Variants in PLEKHH2 observed in about 807,000 individuals in gnomAD.
PLEKHH2 encodes pleckstrin homology, MyTH4 and FERM domain containing H2.
In PLEKHH2, 129 loss-of-function variants were observed where a neutral mutation model predicts 187.9. That is an observed-to-expected ratio of 0.69 (90% CI 0.59 to 0.79). The LOEUF (loss-of-function observed/expected upper bound fraction) is 0.79, where lower values mean the gene tolerates loss of function less well. Ranked by LOEUF, PLEKHH2 falls within the 30% of genes least tolerant of loss-of-function variation. The probability of loss-of-function intolerance (pLI) is 0.00; values close to 1 mark genes in which losing one functional copy is unlikely to be tolerated. For missense variants in PLEKHH2, 2,076 were observed against 1,751.2 expected, an observed-to-expected ratio of 1.19 and a Z score of -3.31; for synonymous variants, 686 against 605.6, an observed-to-expected ratio of 1.13 and a Z score of -1.95.
chr2:43,678,304 G>C (rs1007641754), intron 2 of PLEKHH2, among the ~76,000 whole-genome samples: 4 of 152,106 alleles, frequency 2.6e-5, no homozygotes, highest in African/African-American at 9.7e-5. Flanking sequence ...TTCCCAGACG[G>C]GGTGGCGGCC....
intron 8 of PLEKHH2, among the ~76,000 whole-genome samples, chr2:43,702,526 A>AATTTTTTT (rs1669424808): frequency 3.3e-5 from 1 of 30,440 alleles, no homozygotes. Flanking sequence ...CCATTCTACT[A>AATTTTTTT]CTTTTTTTTT....
At chr2:43,680,402 A>G (rs189819416) in intron 3 of PLEKHH2, 1 of 155,538 alleles carries the variant, frequency 6.4e-6, no homozygotes, top group East Asian at 1.9e-4. Context: ...AAATATGTAC[A>G]ATTATTATGT....
chr2:43,681,145 C>T (rs1572543977), intron 3 of PLEKHH2: 2 of 739,728 alleles, frequency 2.7e-6, no homozygotes, highest in Admixed American at 2.3e-5. Context: ...CCTCCTGCAA[C>T]ACTCTAATGC....
At chr2:43,676,850 G>C (rs1667826099) in intron 2 of PLEKHH2, among the ~76,000 whole-genome samples, 2 of 152,166 alleles carry the variant, frequency 1.3e-5, no homozygotes, top group Admixed American at 1.3e-4. Flanking sequence ...ACTACCCAGA[G>C]TTTATTTAAA....
chr2:43,721,562 G>C (rs1022877739), intron 16 of PLEKHH2, among the ~76,000 whole-genome samples: 3 of 152,150 alleles, frequency 2.0e-5, no homozygotes, highest in Non-Finnish European at 4.4e-5. Context: ...TGCTAATGGG[G>C]TAGAGATTAA....
At chr2:43,655,423 T>C (rs966779436) in intron 2 of PLEKHH2, among the ~76,000 whole-genome samples, 1 of 152,176 alleles carries the variant, frequency 6.6e-6, no homozygotes, top group Non-Finnish European at 1.5e-5. Flanking sequence ...CTGGGATTGA[T>C]TTTTCTTTAG....
At chr2:43,712,502 G>C in intron 15 of PLEKHH2, 119 bp downstream of exon 15, 1 of 1,205,808 alleles carries the variant, frequency 8.3e-7, no homozygotes, top group South Asian at 1.7e-5. Flanking sequence ...CTTGGGGATA[G>C]GAAAGGGTGT....
At chr2:43,645,158 G>A (rs1028463174) in intron 2 of PLEKHH2, among the ~76,000 whole-genome samples, 10 of 152,074 alleles carry the variant, frequency 6.6e-5, no homozygotes, top group Non-Finnish European at 1.0e-4. Context: ...TCTATTGATA[G>A]TAAAATGTGT....
Position 43,644,758 on chromosome 2 carries a change from G to C in PLEKHH2, c.85G>C (p.Val29Leu), listed in dbSNP as rs112429197. The stretch of plus-strand genomic sequence containing the variant: ...GGAGTCCCAACTCATGAAATTTAGA[G>C]TTCAAGCAAGCAAGATACGAGAGCT... The part of the protein sequence containing the change: ...ALESQLMKFR[V>L]QASKIRELLA... Residue 29 changes from valine (V) to leucine (L), a missense_variant, in exon 2 of 30, where the codon GTT (valine) becomes CTT (leucine). Physicochemically the swap from Val to Leu is conservative, Grantham distance 32. Transcript: ENST00000282406. The C allele has an allele frequency of 2.0e-5, 32 of 1,609,792 alleles. No homozygotes were observed. The highest frequency in any genetic ancestry group is 1.0e-5 in the Non-Finnish European group (12 of 1,177,258).
intron 29 of PLEKHH2, among the ~76,000 whole-genome samples, chr2:43,765,147 C>A (rs1003149836): frequency 6.6e-6 from 1 of 152,212 alleles, no homozygotes; most frequent in Non-Finnish European, 1.5e-5. Context: ...TAGAGTTCTA[C>A]TACTGACTGT....
In PLEKHH2 at chr2:43,751,391, G is replaced by T. The variant is rs188532334; in HGVS notation, c.3654-2228G>T. Among the ~76,000 whole-genome samples, 376 of 152,262 alleles carry T rather than the reference G, an allele frequency of 2.5e-3. 2 individuals are homozygous for T. The highest frequency in any genetic ancestry group is 8.8e-3 in the African/African-American group (365 of 41,540). On this transcript the variant is annotated intron_variant, in intron 24 of 29. Coordinates refer to ENST00000282406, the MANE Select transcript of PLEKHH2 (RefSeq NM_172069.4). Reference sequence around the variant, plus strand: ...GAAGGGTGAACAGAGAGAGATTGCAGGCTTTCCCCCCAGTAAGTTTACAAG... The same window carrying T: ...GAAGGGTGAACAGAGAGAGATTGCATGCTTTCCCCCCAGTAAGTTTACAAG...
chr2:43,737,252 A>G (rs921095209), intron 19 of PLEKHH2, among the ~76,000 whole-genome samples: 2 of 152,248 alleles, frequency 1.3e-5, no homozygotes, highest in African/African-American at 4.8e-5. Context: ...GCCCAAGAGT[A>G]TAACATTCAC....
At chr2:43,744,129 A>C (rs1278348294) in intron 23 of PLEKHH2, 140 bp downstream of exon 23, 1 of 1,415,744 alleles carries the variant, frequency 7.1e-7, no homozygotes, top group Non-Finnish European at 9.2e-7. Flanking sequence ...GATAAGAAAA[A>C]AAAAATGCAG....
At chr2:43,669,542 G>A (rs1667398028) in intron 2 of PLEKHH2, among the ~76,000 whole-genome samples, 1 of 152,060 alleles carries the variant, frequency 6.6e-6, no homozygotes, top group Non-Finnish European at 1.5e-5. Context: ...GACACGAATA[G>A]CATGAATCAT....
intron 9 of PLEKHH2, among the ~76,000 whole-genome samples, chr2:43,704,278 G>A (rs113960793): frequency 6.6e-6 from 1 of 152,124 alleles, no homozygotes; most frequent in Non-Finnish European, 1.5e-5. Flanking sequence ...ACTGGGTATA[G>A]CATTTCAGAT....
Position 43,697,312 on chromosome 2 carries a change from T to C in PLEKHH2, c.644T>C (p.Ile215Thr). ...GTAAAATCTGAGGAAATGAGCAAGA[T>C]ATCATCGAAAGAACCTGAGTTCACT... ...QVVKSEEMSK[I>T]SSKEPEFTEG... The change falls in exon 7 of 30, where the codon ATA becomes ACA. Residue 215 changes from isoleucine to threonine, a missense_variant. Ile to Thr is a moderately conservative substitution (Grantham distance 89, BLOSUM62 -1). Coordinates refer to ENST00000282406, the MANE Select transcript of PLEKHH2 (RefSeq NM_172069.4). 1.9e-6 allele frequency: 3 copies of C among 1,613,668 alleles called. No individual in the cohort carries two copies. The South Asian group carries it at 3.3e-5, about 18-fold the overall frequency.
intron 25 of PLEKHH2, among the ~76,000 whole-genome samples, chr2:43,754,517 C>T (rs1164742799): frequency 6.6e-6 from 1 of 152,214 alleles, no homozygotes; most frequent in African/African-American, 2.4e-5. Flanking sequence ...ATGGCCTTGC[C>T]TACTACCTAC....
chr2:43,680,336 T>C (rs1248283964), intron 3 of PLEKHH2: 2 of 151,424 alleles, frequency 1.3e-5, no homozygotes, highest in Non-Finnish European at 2.9e-5. Flanking sequence ...GCTAATTACC[T>C]TGATTTGATC....
At chr2:43,698,547 C>T (rs1173026842) in intron 7 of PLEKHH2, among the ~76,000 whole-genome samples, 3 of 152,132 alleles carry the variant, frequency 2.0e-5, no homozygotes, top group Admixed American at 1.3e-4. Flanking sequence ...CTGCACCCGG[C>T]CTACTTGCAT....
Sources: allele counts gnomAD v4.1 joint callset (sites outside exome capture counted in the v4.1 genomes callset), GRCh38; gene constraint gnomAD v4.1.1; transcripts MANE v1.5; gene names NCBI Gene and HGNC (gene_info 2026-07-23, HGNC 2026-07-21).